The following ADCY2 variants were observed in gnomAD, a reference collection of about 807,000 sequenced individuals.
ADCY2 encodes adenylate cyclase 2, also known as adenylate cyclase type 2.
A neutral mutation model predicts 125.2 loss-of-function variants in ADCY2; 31 were observed. The ratio of observed to expected loss-of-function variants is 0.25; its 90% CI spans 0.19 to 0.33. The LOEUF is 0.33. ADCY2 is among the 10% of genes least tolerant of loss of function. ADCY2 has a pLI of 1.00. For missense variants in ADCY2, 904 were observed against 1,418.2 expected (o/e 0.64, Z 5.82); for synonymous variants, 512 against 548.4 (o/e 0.93, Z 0.93).
chr5:7,545,738 G>A (rs944215509), intron 3 of ADCY2, among the ~76,000 whole-genome samples: 1 of 152,098 alleles, frequency 6.6e-6, no homozygotes, highest in Non-Finnish European at 1.5e-5. Flanking sequence ...TTCAGCATGC[G>A]GTCGGTGGGT....
At chr5:7,732,113 C>T (rs1415820519) in intron 14 of ADCY2, among the ~76,000 whole-genome samples, 1 of 152,198 alleles carries the variant, frequency 6.6e-6, no homozygotes, top group Non-Finnish European at 1.5e-5. Context: ...CCAGGTATCT[C>T]TGGGATTCAC....
chr5:7,690,325 A>C (rs191231003), intron 4 of ADCY2, among the ~76,000 whole-genome samples: 1 of 152,346 alleles, frequency 6.6e-6, no homozygotes, highest in Non-Finnish European at 1.5e-5. Context: ...ACATGCAGGC[A>C]AAAATGAGTG....
chr5:7,638,716 A>C (rs1312382397), intron 4 of ADCY2, among the ~76,000 whole-genome samples: 1 of 152,080 alleles, frequency 6.6e-6, no homozygotes. Context: ...TCAGAGATTC[A>C]TTTCCTAGGG....
intron 20 of ADCY2, among the ~76,000 whole-genome samples, chr5:7,791,527 C>A (rs1323261774): frequency 6.6e-6 from 1 of 152,174 alleles, no homozygotes; most frequent in Non-Finnish European, 1.5e-5. Flanking sequence ...GCACAGTGGG[C>A]CTTCCAGGGC....
At chr5:7,823,461 G>T (rs1014400266) in intron 24 of ADCY2, among the ~76,000 whole-genome samples, 1 of 152,168 alleles carries the variant, frequency 6.6e-6, no homozygotes, top group African/African-American at 2.4e-5. Flanking sequence ...GAATCGTGGG[G>T]CGTTTTGGCA....
intron 2 of ADCY2, among the ~76,000 whole-genome samples, chr5:7,432,838 T>C (rs1740655188): frequency 6.6e-6 from 1 of 151,862 alleles, no homozygotes; most frequent in African/African-American, 2.4e-5. Context: ...TTATCTCAAT[T>C]GTGGTGATAG....
intron 1 of ADCY2, among the ~76,000 whole-genome samples, chr5:7,400,370 A>G (rs919461094): frequency 3.9e-5 from 6 of 152,358 alleles, no homozygotes; most frequent in Admixed American, 1.3e-4. Flanking sequence ...TATTTAAAAC[A>G]ATAACCAGAG....
chr5:7,541,402 G>C (rs769315178), intron 3 of ADCY2, among the ~76,000 whole-genome samples: 36 of 152,238 alleles, frequency 2.4e-4, no homozygotes, highest in South Asian at 4.1e-4. Context: ...GGGAACACAT[G>C]CTCCTGGTAG....
At chr5:7,787,578 G>A (rs184351066) in intron 19 of ADCY2, among the ~76,000 whole-genome samples, 1 of 152,274 alleles carries the variant, frequency 6.6e-6, no homozygotes, top group Admixed American at 6.5e-5. Context: ...CTGCTAATGT[G>A]CCAGCTACTT....
Position 7,502,999 on chromosome 5 carries a change from G to A in ADCY2, c.409-17739G>A, listed in dbSNP as rs116856715. Among the ~76,000 whole-genome samples, 50 of 152,234 alleles carry A rather than the reference G, an allele frequency of 3.3e-4. No homozygotes were observed. In the East Asian group the frequency reaches 9.5e-3, roughly 29 times the overall value. On this transcript the variant is annotated intron_variant, in intron 2 of 24. Transcript: ENST00000338316. The stretch of plus-strand genomic sequence containing the variant: ...TCCCTGCGGATAATCTGCAACTCCT[G>A]TGCCTTTGTCGGAGCTGTTTGTCTG...
At chr5:7,506,839 G>C (rs1397787533) in intron 2 of ADCY2, among the ~76,000 whole-genome samples, 1 of 123,952 alleles carries the variant, frequency 8.1e-6, no homozygotes, top group African/African-American at 3.1e-5. Context: ...CCAGGCTGGA[G>C]TGCAGTGGCA....
At chr5:7,560,607 C>T (rs1194801413) in intron 3 of ADCY2, among the ~76,000 whole-genome samples, 2 of 151,930 alleles carry the variant, frequency 1.3e-5, no homozygotes, top group South Asian at 4.1e-4. Context: ...GGTCTTGAGA[C>T]TTCTGCACCA....
At chr5:7,810,284 G>A (rs1314786806) in intron 22 of ADCY2, among the ~76,000 whole-genome samples, 4 of 151,444 alleles carry the variant, frequency 2.6e-5, no homozygotes, top group Non-Finnish European at 5.9e-5. Flanking sequence ...TGGGTTATCT[G>A]CTTGAATGGT....
rs934757599 is a variant in ADCY2 at position 7,409,210 on chromosome 5, C to T, written c.211-5363C>T. Among the ~76,000 whole-genome samples the T allele has an allele frequency of 7.9e-5, 12 of 152,200 alleles. No homozygotes were observed. In the East Asian group the frequency reaches 2.1e-3, roughly 27 times the overall value. ...CACGTGGACACATAGAGGGGAACAA[C>T]ACACACTGAGGCCTATCTGAGGAGG... On this transcript the variant is annotated intron_variant, in intron 1 of 24. Transcript: ENST00000338316.
chr5:7,567,523 C>T (rs921828495), intron 3 of ADCY2, among the ~76,000 whole-genome samples: 8 of 152,092 alleles, frequency 5.3e-5, no homozygotes, highest in African/African-American at 1.9e-4. Context: ...TTCTTTCTAG[C>T]TGTATAGCTT....
rs139823476 is a variant in ADCY2, at chr5:7,396,482, C to T, written c.186C>T (p.Leu62=). 28 of 1,567,998 alleles carry T rather than the reference C, an allele frequency of 1.8e-5. No homozygotes were observed. The highest frequency in any genetic ancestry group is 2.3e-5 in the Non-Finnish European group (27 of 1,157,766). The part of the protein sequence containing the change: ...LIVMGSCLAL[L]AVFFALGLEV... The stretch of plus-strand genomic sequence containing the variant: ...TCATGGGCTCCTGCCTCGCCCTGCT[C>T]GCCGTCTTCTTCGCGCTCGGGCTGG... Residue 62 remains leucine (L), a synonymous_variant, in exon 1 of 25, where the codon CTC becomes CTT. Coordinates refer to ENST00000338316, the MANE Select transcript of ADCY2 (RefSeq NM_020546.3). This position sits in a 1 kb window ranked among gnomAD's most constrained non-coding sequence, Gnocchi z 5.7.
At chr5:7,548,950 T>G (rs1469004151) in intron 3 of ADCY2, among the ~76,000 whole-genome samples, 1 of 152,222 alleles carries the variant, frequency 6.6e-6, no homozygotes, top group Non-Finnish European at 1.5e-5. Context: ...ACCCCAGGGC[T>G]GAGTCGTTCA....
At chr5:7,714,468 G>C (rs747882082) in intron 11 of ADCY2, among the ~76,000 whole-genome samples, 1 of 152,218 alleles carries the variant, frequency 6.6e-6, no homozygotes, top group Non-Finnish European at 1.5e-5. Flanking sequence ...CTAGGCTATA[G>C]AAACTCTAAT....
intron 2 of ADCY2, among the ~76,000 whole-genome samples, chr5:7,496,263 T>C (rs139393735): frequency 5.8e-4 from 88 of 152,298 alleles, no homozygotes; most frequent in African/African-American, 2.0e-3. Context: ...TTATAAAATG[T>C]TTATAAAAGC....
Sources: allele counts gnomAD v4.1 joint callset (sites outside exome capture counted in the v4.1 genomes callset), GRCh38; gene constraint gnomAD v4.1.1; non-coding constraint Gnocchi (gnomAD v3.1); transcripts MANE v1.5; gene names NCBI Gene and HGNC (gene_info 2026-07-23, HGNC 2026-07-21).